Variants in ANKRD18A observed in about 807,000 individuals in gnomAD.
ANKRD18A encodes ankyrin repeat domain-containing protein 18A.
In ANKRD18A, 72 loss-of-function variants were observed where a neutral mutation model predicts 110.6. The ratio of observed to expected loss-of-function variants is 0.65; its 90% CI spans 0.54 to 0.79. ANKRD18A has a LOEUF of 0.79. ANKRD18A is among the 30% of genes least tolerant of loss of function. The pLI is 0.00. For synonymous variants in ANKRD18A, 305 were observed against 410.3 expected, an observed-to-expected ratio of 0.74 and a Z score of 3.10; for missense variants, 934 against 1,163.3, an observed-to-expected ratio of 0.80 and a Z score of 2.87.
At chr9:38,617,750 CAT>C (rs1259222033) in intron 1 of ANKRD18A, among the ~76,000 whole-genome samples, 3 of 152,072 alleles carry the variant, frequency 2.0e-5, no homozygotes, top group Non-Finnish European at 4.4e-5. Flanking sequence ...AACAGGTAAA[CAT>C]AAAGTTTTTA....
At chr9:38,567,745 G>A (rs1823516828), downstream of ANKRD18A, 1 of 152,228 alleles carries the variant, frequency 6.6e-6, no homozygotes, top group Non-Finnish European at 1.5e-5. Context: ...GGTGTTGAAG[G>A]CATCTCTGGT....
At chr9:38,591,132 ATTTTTTT>A (rs916755859) in intron 10 of ANKRD18A, among the ~76,000 whole-genome samples, 3 of 140,228 alleles carry the variant, frequency 2.1e-5, no homozygotes, top group African/African-American at 7.8e-5. Flanking sequence ...CAGCTGTTTA[ATTTTTTT>A]TTTTTTTTTG....
rs1358737681 is a variant in ANKRD18A, at chr9:38,578,135, A to C, written c.2261T>G (p.Val754Gly). ...KKLKQKFNDL[V>G]AEKEAVSSEC... ...TGAAGACACAGCTTCCTTCTCGGCC[A>C]CAAGATCATTAAACTGCATTAAGAA... The change falls in exon 13 of 16, where the codon GTG (valine) becomes GGG (glycine). Residue 754 changes from valine (V) to glycine (G), a missense_variant. This residue lies in a region of ANKRD18A where 79 missense variants were observed against 122.8 expected (regional missense o/e 0.64). Transcript: ENST00000399703. 3 of 1,545,110 alleles carry C rather than the reference A, an allele frequency of 1.9e-6. No homozygotes were observed. Among genetic ancestry groups the C allele is most frequent in the Non-Finnish European group, 2.6e-6 (3 of 1,145,574 alleles).
intron 13 of ANKRD18A, 116 bp from the exon 14 acceptor site, chr9:38,577,380 A>T (rs1323133378): frequency 3.0e-6 from 3 of 998,900 alleles, no homozygotes; most frequent in Non-Finnish European, 4.3e-6. Flanking sequence ...TGTTGAAAAG[A>T]GGCTGAAGCT....
Position 38,620,548 on chromosome 9 carries a change from C to G in ANKRD18A, c.-263G>C. 1.5e-6 allele frequency: 2 copies of G among 1,290,544 alleles called. No homozygotes were observed. Among genetic ancestry groups the G allele is most frequent in the Non-Finnish European group, 2.0e-6 (2 of 1,005,672 alleles). 79.9% of individuals were successfully genotyped at this position (1,290,544 alleles called of 1,614,324 possible). ...CTCAGACCGAGTGAGCCCAGCTAAG[C>G]CGTTAGGCGCGCGCCTGAACCTCAG... On this transcript the variant is annotated 5_prime_UTR_variant, in exon 1 of 16. Coordinates refer to ENST00000399703, the MANE Select transcript of ANKRD18A (RefSeq NM_147195.4).
intron 10 of ANKRD18A, among the ~76,000 whole-genome samples, chr9:38,589,983 T>C (rs1232290467): frequency 2.0e-5 from 3 of 152,228 alleles, no homozygotes; most frequent in East Asian, 1.9e-4. Context: ...CACACACTTA[T>C]ACATTTGCTA....
At chr9:38,570,847 G>A (rs539499069), downstream of ANKRD18A, among the ~76,000 whole-genome samples, 1 of 152,326 alleles carries the variant, frequency 6.6e-6, no homozygotes, top group Admixed American at 6.5e-5. Context: ...GGCCCTCTGG[G>A]CCCATCTCAA....
intron 2 of ANKRD18A, 74 bp downstream of exon 2, chr9:38,615,856 T>C: frequency 7.2e-6 from 11 of 1,525,860 alleles, no homozygotes; most frequent in Non-Finnish European, 9.7e-6. Flanking sequence ...TATATTTAAA[T>C]GAGACAAATT....
chr9:38,570,344 C>T (rs1823593848), downstream of ANKRD18A, among the ~76,000 whole-genome samples: 1 of 152,204 alleles, frequency 6.6e-6, no homozygotes, highest in Non-Finnish European at 1.5e-5. Flanking sequence ...TGAGCCCCCT[C>T]TGACCAGGCT....
At chr9:38,610,711 T>A (rs1197486390) in intron 4 of ANKRD18A, among the ~76,000 whole-genome samples, 1 of 152,156 alleles carries the variant, frequency 6.6e-6, no homozygotes, top group African/African-American at 2.4e-5. Flanking sequence ...GTCACTTATC[T>A]AAAGTGGGCA....
At chr9:38,572,092 C>T (rs1823671243) in intron 15 of ANKRD18A, 33 bp from the exon 16 acceptor site, 2 of 1,482,304 alleles carry the variant, frequency 1.3e-6, no homozygotes, top group African/African-American at 1.4e-5. Context: ...ATGTTCTTTA[C>T]CTAAAACATT....
downstream of ANKRD18A, among the ~76,000 whole-genome samples, chr9:38,569,854 G>A (rs984603339): frequency 6.6e-6 from 1 of 152,096 alleles, no homozygotes; most frequent in African/African-American, 2.4e-5. Context: ...GAGGAGGGGT[G>A]CCGAGCAGAG....
Position 38,577,929 on chromosome 9 carries a change from T to C in ANKRD18A, c.2467A>G (p.Lys823Glu). 6.3e-7 allele frequency: 1 copy of C among 1,596,160 alleles called. No homozygotes were observed. Among genetic ancestry groups the C allele is most frequent in the Non-Finnish European group, 8.5e-7 (1 of 1,170,416 alleles). Residue 823 changes from lysine to glutamate, a missense_variant, in exon 13 of 16, where the codon AAA (lysine) becomes GAA (glutamate). By Grantham distance (56) the Lys-to-Glu change is moderately conservative. Coordinates refer to ENST00000399703, the MANE Select transcript of ANKRD18A (RefSeq NM_147195.4). ...ACTGCCCTTTCATCCAGCTCCGATTTATATTCTTGTAGTTTACCAAGTTCT... is the reference window on the plus strand; with the variant it reads ...ACTGCCCTTTCATCCAGCTCCGATTCATATTCTTGTAGTTTACCAAGTTCT... ...MVELGKLQEY[K>E]SELDERAVQE...
intron 5 of ANKRD18A, among the ~76,000 whole-genome samples, chr9:38,609,293 C>T (rs1266359942): frequency 6.6e-6 from 1 of 152,074 alleles, no homozygotes; most frequent in Non-Finnish European, 1.5e-5. Context: ...TCCTGGCTAA[C>T]ATGGTGAAAC....
intron 3 of ANKRD18A, among the ~76,000 whole-genome samples, chr9:38,612,109 G>T (rs1825645034): frequency 6.6e-6 from 1 of 152,132 alleles, no homozygotes; most frequent in South Asian, 2.1e-4. Flanking sequence ...TCTGAATTAA[G>T]AGAGATTGGC....
chr9:38,616,069 G>A (rs1272928221), intron 1 of ANKRD18A, 25 bp from the exon 2 acceptor site: 4 of 1,505,358 alleles, frequency 2.7e-6, no homozygotes, highest in Non-Finnish European at 3.6e-6. Context: ...GGGGTTTTCA[G>A]GAAATGTAGT....
At chr9:38,575,832 T>C (rs1823870507) in intron 14 of ANKRD18A, 134 bp from the exon 15 acceptor site, 2 of 783,144 alleles carry the variant, frequency 2.6e-6, no homozygotes, top group Non-Finnish European at 4.0e-6. Flanking sequence ...CACAAAGATG[T>C]GTGAGGGCAT....
At position 38,616,062 on chromosome 9, in the gene ANKRD18A, G is replaced by A. The variant is rs1450259529; in HGVS notation, c.207-18C>T. The A allele has an allele frequency of 3.3e-6, 5 of 1,519,592 alleles. No individual in the cohort carries two copies. Among genetic ancestry groups the A allele is most frequent in the Admixed American group, 2.3e-5 (1 of 43,958 alleles). 94.1% of individuals were successfully genotyped at this position (1,519,592 alleles called of 1,614,324 possible). ...GAACAGTCCTAGGAGAGCGAGAGGG[G>A]TTTTCAGGAAATGTAGTGCAATATC... On this transcript the variant is annotated intron_variant, in intron 1 of 15. Coordinates refer to ENST00000399703, the MANE Select transcript of ANKRD18A (RefSeq NM_147195.4).
chr9:38,607,556 CAG>C lies in ANKRD18A; in HGVS notation c.741-65_741-64del, dbSNP rs1825417642. On this transcript the variant is annotated intron_variant, in intron 5 of 15. Transcript: ENST00000399703. The stretch of plus-strand genomic sequence containing the variant: ...AGTGATATGAAAAATATTTGCCAAA[CAG>C]ATTAAATTCTTAAAGCATTTCAGAC... 60 of 1,155,468 alleles carry C rather than the reference CAG, an allele frequency of 5.2e-5. No homozygotes were observed. The South Asian group carries it at 9.8e-4, about 19-fold the overall frequency. The allele number at this position is 1,155,468 out of a possible 1,614,324, so 71.6% of individuals were successfully genotyped here.
Sources: gnomAD v4.1 joint callset for allele counts (sites outside exome capture counted in the v4.1 genomes callset) on GRCh38, gnomAD v4.1.1 for gene constraint, gnomAD v4.1.1 regional missense constraint, MANE v1.5 for transcripts, NCBI Gene and HGNC (gene_info 2026-07-23, HGNC 2026-07-21) for gene names.